The following SLC29A4 variants were observed in gnomAD, a reference collection of about 807,000 sequenced individuals.
The protein encoded by SLC29A4 is equilibrative nucleoside transporter 4.
A neutral mutation model predicts 43.9 loss-of-function variants in SLC29A4; 36 were observed. The observed-to-expected ratio is 0.82, with a 90% CI of 0.63 to 1.08. The LOEUF is 1.08. SLC29A4 is among the 50% of genes least tolerant of loss of function. The pLI, the probability that SLC29A4 is intolerant of heterozygous loss-of-function variation, is 0.00. For synonymous variants in SLC29A4, 491 were observed against 338.0 expected (o/e 1.45, Z -4.97); for missense variants, 869 against 755.3 (o/e 1.15, Z -1.77).
chr7:5,283,271 G>C (rs1022900343), intron 1 of SLC29A4, among the ~76,000 whole-genome samples, 189 bp downstream of exon 1: 10 of 142,716 alleles, frequency 7.0e-5, no homozygotes, highest in Admixed American at 2.8e-4. Flanking sequence ...CCCCGCGCCC[G>C]GCGACAAGCG....
intron 2 of SLC29A4, 139 bp from the exon 3 acceptor site, chr7:5,290,593 C>T: frequency 1.7e-6 from 2 of 1,168,596 alleles, no homozygotes; most frequent in Non-Finnish European, 2.3e-6. Flanking sequence ...ACAGAGGTAT[C>T]TGGAACAGAG....
chr7:5,302,325 A>G (rs1786225500), intron 10 of SLC29A4, among the ~76,000 whole-genome samples: 1 of 152,166 alleles, frequency 6.6e-6, no homozygotes, highest in African/African-American at 2.4e-5. Context: ...AGGCCAAGGT[A>G]GGACTATCAC....
chr7:5,294,756 C>A, intron 5 of SLC29A4, 104 bp from the exon 6 acceptor site: 1 of 1,142,222 alleles, frequency 8.8e-7, no homozygotes, highest in Non-Finnish European at 1.3e-6. Flanking sequence ...GTGTTAACGG[C>A]TGTTTACGCA....
intron 6 of SLC29A4, among the ~76,000 whole-genome samples, chr7:5,296,066 C>T (rs1399463090): frequency 1.3e-5 from 2 of 152,170 alleles, no homozygotes; most frequent in Non-Finnish European, 2.9e-5. Flanking sequence ...ACCCTAATGG[C>T]GGCTTCCAGC....
intron 5 of SLC29A4, among the ~76,000 whole-genome samples, chr7:5,293,585 T>C (rs1785452117): frequency 6.6e-6 from 1 of 152,214 alleles, no homozygotes; most frequent in African/African-American, 2.4e-5. Flanking sequence ...CAAGCCTTCG[T>C]GAACTAATAC....
chr7:5,283,693 C>G (rs1354387634), intron 1 of SLC29A4, among the ~76,000 whole-genome samples: 1 of 152,126 alleles, frequency 6.6e-6, no homozygotes, highest in Non-Finnish European at 1.5e-5. Flanking sequence ...CCCACCCCCA[C>G]AGGAGTTGGA....
chr7:5,295,906 G>A (rs1264935650), intron 6 of SLC29A4, among the ~76,000 whole-genome samples: 1 of 151,854 alleles, frequency 6.6e-6, no homozygotes, highest in Non-Finnish European at 1.5e-5. Context: ...GAAAAGACAT[G>A]CTCAGAGCCC....
At chr7:5,292,583 A>T (rs1273515728) in intron 5 of SLC29A4, among the ~76,000 whole-genome samples, 1 of 150,998 alleles carries the variant, frequency 6.6e-6, no homozygotes, top group African/African-American at 2.4e-5. Flanking sequence ...TATAAAATAC[A>T]TATTTTCCCT....
intron 6 of SLC29A4, among the ~76,000 whole-genome samples, chr7:5,295,986 G>A (rs1785627259): frequency 1.3e-5 from 2 of 151,988 alleles, no homozygotes; most frequent in Non-Finnish European, 2.9e-5. Context: ...ACACTGGGCA[G>A]TGGCGCATGG....
chr7:5,300,356 G>A (rs1431439586), intron 9 of SLC29A4, 66 bp from the exon 10 acceptor site: 7 of 1,604,352 alleles, frequency 4.4e-6, no homozygotes, highest in Non-Finnish European at 5.9e-6. Context: ...GCTAGAGGCT[G>A]TCGGGGGTGT....
chr7:5,284,535 A>C (rs1293426087), intron 1 of SLC29A4, among the ~76,000 whole-genome samples: 1 of 152,066 alleles, frequency 6.6e-6, no homozygotes, highest in Non-Finnish European at 1.5e-5. Flanking sequence ...GAGCAGGGCC[A>C]AGCCCTGTAA....
Position 5,302,886 on chromosome 7 carries a change from G to C in SLC29A4, c.1540G>C (p.Gly514Arg), listed in dbSNP as rs149793486. 2.1e-5 allele frequency: 34 copies of C among 1,605,236 alleles called. No individual in the cohort carries two copies. Among genetic ancestry groups the C allele is most frequent in the Non-Finnish European group, 2.9e-5 (34 of 1,176,738 alleles). Reference protein sequence around the residue: ...CTYSLTRDAHGSCLHASTANG... With the variant: ...CTYSLTRDAHRSCLHASTANG... ...CTACAGCCTCACCCGCGACGCTCAC[G>C]GCAGCTGCCTGCACGCCTCCACCGC... Residue 514 changes from glycine (G) to arginine (R), a missense_variant, in exon 11 of 11, where the codon GGC (glycine) becomes CGC (arginine). By Grantham distance (125) the Gly-to-Arg change is moderately radical (BLOSUM62 -2). Transcript: ENST00000396872.
At chr7:5,302,497 T>C (rs1396183372) in intron 10 of SLC29A4, among the ~76,000 whole-genome samples, 1 of 152,144 alleles carries the variant, frequency 6.6e-6, no homozygotes, top group Non-Finnish European at 1.5e-5. Context: ...AAGCTATGGT[T>C]GTACCACTGC....
intron 5 of SLC29A4, among the ~76,000 whole-genome samples, chr7:5,294,445 CTT>C (rs10615807): frequency 0.017 from 2,584 of 152,232 alleles, 71 homozygotes; most frequent in African/African-American, 0.058. Context: ...ACAAGCCTGA[CTT>C]CTCACTTTTG....
chr7:5,291,861 C>G, intron 5 of SLC29A4, 40 bp downstream of exon 5: 2 of 1,587,964 alleles, frequency 1.3e-6, no homozygotes, highest in East Asian at 2.3e-5. Context: ...TGAGTGCCCA[C>G]TTCCGACCCC....
In SLC29A4 at chr7:5,284,759, A is replaced by G. The variant is rs548161759; in HGVS notation, c.-9+1677A>G. Among the ~76,000 whole-genome samples the G allele has an allele frequency of 2.3e-3, 351 of 152,274 alleles. 2 individuals carry two copies. Among genetic ancestry groups the G allele is most frequent in the African/African-American group, 8.0e-3 (333 of 41,580 alleles). On this transcript the variant is annotated intron_variant, in intron 1 of 10. Transcript: ENST00000396872. ...CCACCATGGGGACAGTGGCTGGCCAAGCCGGGCAGTGTGGGTGGCAGCTGC... is the reference window on the plus strand; with the variant it reads ...CCACCATGGGGACAGTGGCTGGCCAGGCCGGGCAGTGTGGGTGGCAGCTGC...
intron 5 of SLC29A4, among the ~76,000 whole-genome samples, chr7:5,293,814 A>G (rs112039824): frequency 0.054 from 8,240 of 152,168 alleles, 724 homozygotes; most frequent in African/African-American, 0.19. Flanking sequence ...TAATTTTTAA[A>G]AAATTTTTGT....
intron 5 of SLC29A4, among the ~76,000 whole-genome samples, chr7:5,292,195 C>T (rs1362973058): frequency 6.6e-6 from 1 of 152,170 alleles, no homozygotes; most frequent in Non-Finnish European, 1.5e-5. Context: ...ACTGCAGCCT[C>T]AACCTCCTGG....
At chr7:5,297,220 C>T (rs767127286) in intron 7 of SLC29A4, 22 bp downstream of exon 7, 60 of 1,545,610 alleles carry the variant, frequency 3.9e-5, no homozygotes, top group South Asian at 9.6e-5. Flanking sequence ...CCGCCCACCT[C>T]TGTTCCCTTC....
Sources: gnomAD v4.1 joint callset for allele counts (sites outside exome capture counted in the v4.1 genomes callset) on GRCh38, gnomAD v4.1.1 for gene constraint, MANE v1.5 for transcripts, NCBI Gene and HGNC (gene_info 2026-07-23, HGNC 2026-07-21) for gene names.